Variants in RNASET2 observed in about 807,000 individuals in gnomAD.
RNASET2 encodes the protein ribonuclease 6.
A neutral mutation model predicts 33.9 loss-of-function variants in RNASET2; 28 were observed. The ratio of observed to expected loss-of-function variants is 0.83; its 90% CI spans 0.61 to 1.13. RNASET2 has a LOEUF of 1.13. Among genes scored for constraint, RNASET2 ranks in the 50% most tolerant of loss-of-function variants. RNASET2 has a pLI of 0.00. For synonymous variants in RNASET2, 123 were observed against 121.0 expected, an observed-to-expected ratio of 1.02 and a Z score of -0.11; for missense variants, 330 against 319.9, an observed-to-expected ratio of 1.03 and a Z score of -0.24.
intron 2 of RNASET2, among the ~76,000 whole-genome samples, chr6:166,949,743 A>C (rs1384444829): frequency 6.6e-6 from 1 of 152,138 alleles, no homozygotes; most frequent in Non-Finnish European, 1.5e-5. Flanking sequence ...CCTTTCCTGG[A>C]GGCAATGCAG....
Position 166,938,943 on chromosome 6 carries a change from T to G in RNASET2, c.398A>C (p.Lys133Thr), listed in dbSNP as rs778325234. ...AQVDALNSQK[K>T]YFGRSLELYR... ...GAGTTCCAGGCTTCTGCCAAAGTAC[T>G]TCTTCTGGGAGTTGAGCGCATCCAC... The change falls in exon 6 of 9, where the codon AAG becomes ACG. Residue 133 changes from lysine (K) to threonine (T), a missense_variant. Physicochemically the swap from Lys to Thr is moderately conservative, Grantham distance 78. Transcript: ENST00000508775. 2 of 1,613,742 alleles carry G rather than the reference T, an allele frequency of 1.2e-6. No homozygotes were observed. Among genetic ancestry groups the G allele is most frequent in the Admixed American group, 3.3e-5 (2 of 60,028 alleles).
chr6:166,943,778 A>C (rs1049271873), intron 4 of RNASET2: 10 of 470,318 alleles, frequency 2.1e-5, no homozygotes, highest in Non-Finnish European at 4.0e-5. Context: ...GGGGGAAGGG[A>C]GTGAACTGTC....
At chr6:166,935,443 G>A (rs1197879008) in intron 6 of RNASET2, among the ~76,000 whole-genome samples, 2 of 152,070 alleles carry the variant, frequency 1.3e-5, no homozygotes, top group South Asian at 2.1e-4. Context: ...AAGGGAATAC[G>A]GCAAAGAGAG....
chr6:166,952,458 C>T (rs368151105), intron 2 of RNASET2, 30 bp downstream of exon 2: 10 of 1,605,696 alleles, frequency 6.2e-6, no homozygotes, highest in Admixed American at 1.7e-5. Context: ...CTCCCCAGGC[C>T]CCAGGGCCCG....
At position 166,939,005 on chromosome 6, in the gene RNASET2, C is replaced by T; in HGVS notation, c.336G>A (p.Lys112=). 1 of 1,610,944 alleles carries T rather than the reference C, an allele frequency of 6.2e-7. No homozygotes were observed. Among genetic ancestry groups the T allele is most frequent in the Non-Finnish European group, 8.5e-7 (1 of 1,178,186 alleles). The change falls in exon 6 of 9, where the codon AAG becomes AAA. Residue 112 remains lysine (K), a synonymous_variant. Coordinates refer to ENST00000508775, the MANE Select transcript of RNASET2 (RefSeq NM_003730.6). ...AGGTCCCATGCTTTTCCCACTCATG[C>T]TTCCTGTGAGGATTAGGAAAAATCT... The part of the protein sequence containing the change: ...HSFPNRSRFW[K]HEWEKHGTCA...
At chr6:166,955,295 GACGCGCACACACGACACA>G (rs1779110869) in intron 1 of RNASET2, among the ~76,000 whole-genome samples, 1 of 52,328 alleles carries the variant, frequency 1.9e-5, no homozygotes, top group African/African-American at 1.0e-4. Flanking sequence ...CACACGCACA[GACGCGCACACACGACACA>G]CACGCACACA....
At chr6:166,936,081 A>AT (rs1451420989) in intron 6 of RNASET2, among the ~76,000 whole-genome samples, 1 of 152,244 alleles carries the variant, frequency 6.6e-6, no homozygotes, top group Non-Finnish European at 1.5e-5. Context: ...TCTTAATTTA[A>AT]TTTTTAGATT....
chr6:166,943,959 A>C (rs772091445), intron 4 of RNASET2: 35 of 246,090 alleles, frequency 1.4e-4, no homozygotes, highest in Admixed American at 4.3e-4. Flanking sequence ...GTCTCTACTA[A>C]AAATACAAAA....
rs748576013 is a variant in RNASET2, at chr6:166,933,926, C to T, written c.492+165G>A. On this transcript the variant is annotated intron_variant, in intron 7 of 8. Transcript: ENST00000508775. This position sits in a 1 kb window ranked among gnomAD's most constrained non-coding sequence, Gnocchi z 4.1. ...CAGCCTTCAGCTCCTACTCAACATGCGCAGGAAAATAAAATGCAAATAAAA... is the reference window on the plus strand; with the variant it reads ...CAGCCTTCAGCTCCTACTCAACATGTGCAGGAAAATAAAATGCAAATAAAA... 2.5e-5 allele frequency: 17 copies of T among 688,104 alleles called. No homozygotes were observed. Among genetic ancestry groups the T allele is most frequent in the South Asian group, 1.3e-4 (8 of 63,090 alleles). 42.6% of individuals were successfully genotyped at this position (688,104 alleles called of 1,614,324 possible).
At chr6:166,935,863 G>A (rs1370465083) in intron 6 of RNASET2, among the ~76,000 whole-genome samples, 1 of 151,970 alleles carries the variant, frequency 6.6e-6, no homozygotes, top group Non-Finnish European at 1.5e-5. Flanking sequence ...TAGTAGAGAC[G>A]GGGGTTTCAC....
chr6:166,946,507 G>A (rs1778849084), intron 4 of RNASET2, 175 bp downstream of exon 4: 4 of 631,830 alleles, frequency 6.3e-6, no homozygotes, highest in Non-Finnish European at 1.1e-5. Flanking sequence ...AGGTCAATTG[G>A]TGTAATTTGT....
At chr6:166,951,237 T>C (rs1299419519) in intron 2 of RNASET2, among the ~76,000 whole-genome samples, 2 of 152,230 alleles carry the variant, frequency 1.3e-5, no homozygotes, top group African/African-American at 2.4e-5. Context: ...TTTAGTACTT[T>C]CACTAATTCT....
At chr6:166,930,655 C>T (rs1778404736) in intron 8 of RNASET2, among the ~76,000 whole-genome samples, 1 of 148,190 alleles carries the variant, frequency 6.7e-6, no homozygotes, top group African/African-American at 2.5e-5. Context: ...CACTTGCACA[C>T]ACAGCACATG....
Position 166,933,480 on chromosome 6 carries a change from C to G in RNASET2, c.492+611G>C, listed in dbSNP as rs910103471. 6.5e-6 allele frequency: 1 copy of G among 152,828 alleles called. No individual in the cohort carries two copies. Among genetic ancestry groups the G allele is most frequent in the African/African-American group, 2.4e-5 (1 of 41,430 alleles). The allele number at this position is 152,828 out of a possible 1,614,324, so 9.5% of individuals were successfully genotyped here. A position where few individuals can be genotyped will look rare whatever the true frequency, so the allele number is the denominator to read the frequency against. ...GCAGGCAATCCTCTGACCTTAGCTT[C>G]CTGAATAGCTGAGACCACAGACACA... On this transcript the variant is annotated intron_variant, in intron 7 of 8. Coordinates refer to ENST00000508775, the MANE Select transcript of RNASET2 (RefSeq NM_003730.6). This position sits in a 1 kb window ranked among gnomAD's most constrained non-coding sequence, Gnocchi z 4.1.
chr6:166,946,425 G>A (rs536030027), intron 4 of RNASET2, among the ~76,000 whole-genome samples: 23 of 152,358 alleles, frequency 1.5e-4, no homozygotes, highest in East Asian at 1.9e-4. Context: ...GGCTTGCTCC[G>A]GTCGGAGCCC....
In RNASET2 at chr6:166,928,635, G is replaced by A. The variant is rs924508035; in HGVS notation, c.*953C>T. 1.3e-5 allele frequency among the ~76,000 whole-genome samples: 2 copies of A among 152,164 alleles called. No homozygotes were observed. The highest frequency in any genetic ancestry group is 2.9e-5 in the Non-Finnish European group (2 of 68,022). Reference sequence around the variant, plus strand: ...TTAAAGAGAGAAGAGGCCAGGAGACGCGGGAGAAGACAATGCTAACAGGTT... The same window carrying A: ...TTAAAGAGAGAAGAGGCCAGGAGACACGGGAGAAGACAATGCTAACAGGTT... On this transcript the variant is annotated 3_prime_UTR_variant, in exon 9 of 9. Transcript: ENST00000508775.
intron 1 of RNASET2, among the ~76,000 whole-genome samples, 195 bp downstream of exon 1, chr6:166,955,902 G>A (rs1218970177): frequency 6.7e-6 from 1 of 149,326 alleles, no homozygotes. Context: ...TCCCTCCAGG[G>A]GTCACCCCGA....
rs1007664369 is a variant in RNASET2 at position 166,930,904 on chromosome 6, ACAC to A, written c.567+137_567+139del. The A allele has an allele frequency of 1.1e-4, 78 of 739,316 alleles. 1 individual carries two copies. The highest frequency in any genetic ancestry group is 1.9e-4 in the South Asian group (13 of 67,986). The allele number at this position is 739,316 out of a possible 1,614,324, so 45.8% of individuals were successfully genotyped here. ...CATGTACACACACACATGCACACACACACCACATGCCCACATATACAGACACAA... is the reference window on the plus strand; with the variant it reads ...CATGTACACACACACATGCACACACACACATGCCCACATATACAGACACAA... On this transcript the variant is annotated intron_variant, in intron 8 of 8. Transcript: ENST00000508775.
rs548523987 is a variant in RNASET2, at chr6:166,953,879, C to CAAAAAAAAAAAAAAAAAAAAAAAAAAAA, written c.87-1332_87-1331insTTTTTTTTTTTTTTTTTTTTTTTTTTTT. 1.8e-4 allele frequency among the ~76,000 whole-genome samples: 20 copies of CAAAAAAAAAAAAAAAAAAAAAAAAAAAA among 110,712 alleles called. No individual in the cohort carries two copies. In the East Asian group the frequency reaches 3.6e-3, roughly 20 times the overall value. 72.6% of individuals were successfully genotyped at this position (110,712 alleles called of 152,430 possible). On this transcript the variant is annotated intron_variant, in intron 1 of 8. Coordinates refer to ENST00000508775, the MANE Select transcript of RNASET2 (RefSeq NM_003730.6). ...TGGGCTACACAGCCAGACCCTGTCT[C>CAAAAAAAAAAAAAAAAAAAAAAAAAAAA]AAAAAAAAAAAAAAAGGATGAGCTG...
Sources: gnomAD v4.1 joint callset for allele counts (sites outside exome capture counted in the v4.1 genomes callset) on GRCh38, gnomAD v4.1.1 for gene constraint, Gnocchi (gnomAD v3.1) non-coding constraint, MANE v1.5 for transcripts, NCBI Gene and HGNC (gene_info 2026-07-23, HGNC 2026-07-21) for gene names.